The following MOB3B variants were observed in gnomAD, a reference collection of about 807,000 sequenced individuals.
The protein encoded by MOB3B is MOB kinase activator-like 2B.
MOB3B carries 7 observed loss-of-function variants against 18.7 expected under a neutral mutation model. That is an observed-to-expected ratio of 0.37 (90% CI 0.21 to 0.70). MOB3B has a LOEUF of 0.70. Ranked by LOEUF, MOB3B falls within the 30% of genes least tolerant of loss-of-function variation. MOB3B has a pLI of 0.52. For synonymous variants in MOB3B, 111 were observed against 99.9 expected, an observed-to-expected ratio of 1.11 and a Z score of -0.66; for missense variants, 253 against 281.3, an observed-to-expected ratio of 0.90 and a Z score of 0.72.
chr9:27,362,874 G>A (rs1390305396), intron 2 of MOB3B, among the ~76,000 whole-genome samples: 3 of 152,318 alleles, frequency 2.0e-5, no homozygotes, highest in South Asian at 2.1e-4. Context: ...CCTTACAGAC[G>A]TCCAGATTTG....
intron 1 of MOB3B, among the ~76,000 whole-genome samples, chr9:27,506,011 C>A (rs1319325504): frequency 2.0e-5 from 3 of 152,312 alleles, no homozygotes; most frequent in Non-Finnish European, 2.9e-5. Flanking sequence ...GGGCAGATTG[C>A]CACATGGAAA....
intron 2 of MOB3B, among the ~76,000 whole-genome samples, chr9:27,430,468 G>T (rs577336313): frequency 6.6e-6 from 1 of 152,188 alleles, no homozygotes; most frequent in Non-Finnish European, 1.5e-5. Flanking sequence ...GAGGGTAGGA[G>T]TGCGGACTCT....
At chr9:27,431,945 C>A (rs1371049538) in intron 2 of MOB3B, among the ~76,000 whole-genome samples, 1 of 152,208 alleles carries the variant, frequency 6.6e-6, no homozygotes, top group East Asian at 1.9e-4. Flanking sequence ...CCCAACACCT[C>A]TAGCATATGC....
At chr9:27,527,514 T>G (rs2453552) in intron 1 of MOB3B, among the ~76,000 whole-genome samples, 40,353 of 152,170 alleles carry the variant, frequency 0.27, 5,524 homozygotes, top group Admixed American at 0.31. Flanking sequence ...TCTGTTGAGT[T>G]CGCAAAGGGA....
At chr9:27,418,862 T>C (rs1822196924) in intron 2 of MOB3B, among the ~76,000 whole-genome samples, 1 of 152,104 alleles carries the variant, frequency 6.6e-6, no homozygotes, top group African/African-American at 2.4e-5. Context: ...AGTCAAACTG[T>C]CACTGTTTGC....
intron 2 of MOB3B, among the ~76,000 whole-genome samples, chr9:27,361,737 G>A (rs887704242): frequency 5.9e-5 from 9 of 152,312 alleles, no homozygotes; most frequent in South Asian, 2.1e-4. Flanking sequence ...GTCACCCAGC[G>A]GGGAAATAGT....
intron 2 of MOB3B, among the ~76,000 whole-genome samples, chr9:27,427,828 G>A (rs952524663): frequency 6.6e-6 from 1 of 152,022 alleles, no homozygotes; most frequent in African/African-American, 2.4e-5. Flanking sequence ...CCTCTCTTCT[G>A]CCTCTTTGGT....
chr9:27,491,871 TCAA>T (rs749464865), intron 1 of MOB3B, among the ~76,000 whole-genome samples: 89 of 152,292 alleles, frequency 5.8e-4, no homozygotes, highest in Middle Eastern at 6.8e-3. Context: ...AGACTCTGTC[TCAA>T]CAACAACAAC....
chr9:27,470,512 C>T (rs868699617), intron 1 of MOB3B, among the ~76,000 whole-genome samples: 17 of 152,208 alleles, frequency 1.1e-4, no homozygotes, highest in African/African-American at 4.1e-4. Context: ...CTTCTCCCTA[C>T]AGTGCTGTTA....
At chr9:27,521,921 C>A (rs759295990) in intron 1 of MOB3B, among the ~76,000 whole-genome samples, 1 of 152,034 alleles carries the variant, frequency 6.6e-6, no homozygotes. Context: ...AATGTATCTT[C>A]TTTTAAAAAC....
intron 2 of MOB3B, among the ~76,000 whole-genome samples, chr9:27,392,671 T>C (rs1004598975): frequency 2.0e-5 from 3 of 152,208 alleles, no homozygotes; most frequent in Non-Finnish European, 2.9e-5. Context: ...TTTTCATGAA[T>C]GGAGCTCTGA....
At chr9:27,478,966 CAAT>C (rs1334252051) in intron 1 of MOB3B, among the ~76,000 whole-genome samples, 1 of 151,890 alleles carries the variant, frequency 6.6e-6, no homozygotes, top group East Asian at 1.9e-4. Context: ...GACTTTTCAT[CAAT>C]AATACAGAGG....
At chr9:27,443,804 A>G (rs2589054) in intron 2 of MOB3B, among the ~76,000 whole-genome samples, 59,423 of 152,012 alleles carry the variant, frequency 0.39, 12,242 homozygotes, top group African/African-American at 0.53. Context: ...ATCATGCCCC[A>G]ATAGCTTTAT....
At chr9:27,427,873 C>A (rs1391452733) in intron 2 of MOB3B, among the ~76,000 whole-genome samples, 1 of 152,140 alleles carries the variant, frequency 6.6e-6, no homozygotes, top group East Asian at 1.9e-4. Flanking sequence ...AGGTCAGGCT[C>A]TCCAGCAGTC....
At chr9:27,413,970 A>T (rs1411542123) in intron 2 of MOB3B, among the ~76,000 whole-genome samples, 1 of 152,236 alleles carries the variant, frequency 6.6e-6, no homozygotes, top group Non-Finnish European at 1.5e-5. Context: ...GAGTGCTGGA[A>T]TCTGAGAAGT....
intron 1 of MOB3B, among the ~76,000 whole-genome samples, chr9:27,509,208 T>G (rs1738851878): frequency 6.6e-6 from 1 of 152,104 alleles, no homozygotes; most frequent in African/African-American, 2.4e-5. Context: ...ACACATACAT[T>G]AAGAGATACT....
chr9:27,396,377 C>T (rs1017273118), intron 2 of MOB3B, among the ~76,000 whole-genome samples: 4 of 152,218 alleles, frequency 2.6e-5, no homozygotes, highest in African/African-American at 9.6e-5. Flanking sequence ...GTTTGCCAAT[C>T]GGTTATCCCC....
chr9:27,477,484 C>A (rs181037904), intron 1 of MOB3B, among the ~76,000 whole-genome samples: 2 of 152,324 alleles, frequency 1.3e-5, no homozygotes, highest in East Asian at 1.9e-4. Flanking sequence ...TTTGTTTTGT[C>A]TTTCCCATGA....
chr9:27,427,036 A>G (rs1050038008), intron 2 of MOB3B, among the ~76,000 whole-genome samples: 2 of 152,198 alleles, frequency 1.3e-5, no homozygotes, highest in Non-Finnish European at 2.9e-5. Flanking sequence ...GCCATGAGCA[A>G]AGGCAGAGCA....
Sources: allele counts gnomAD v4.1 joint callset (sites outside exome capture counted in the v4.1 genomes callset), GRCh38; gene constraint gnomAD v4.1.1; transcripts MANE v1.5; gene names NCBI Gene and HGNC (gene_info 2026-07-23, HGNC 2026-07-21).